Variants in C10orf143 observed in about 807,000 individuals in gnomAD.
C10orf143 encodes the protein uncharacterized protein C10orf143.
chr10:130,104,822 A>G (rs1283720939), intron 1 of C10orf143: 7 of 152,232 alleles, frequency 4.6e-5, no homozygotes, highest in African/African-American at 9.6e-5. Context: ...GCTCTGATCA[A>G]TAATGACCTC....
intron 1 of C10orf143, among the ~76,000 whole-genome samples, chr10:130,091,074 G>C (rs1444466698): frequency 2.0e-5 from 3 of 152,124 alleles, no homozygotes; most frequent in Non-Finnish European, 4.4e-5. Flanking sequence ...CTCTGCTAAG[G>C]GACAGACTGC....
chr10:130,108,087 A>G lies in C10orf143; in HGVS notation c.69+2617T>C, dbSNP rs1861690160. On this transcript the variant is annotated intron_variant, in intron 1 of 3. Coordinates refer to ENST00000637128, the MANE Select transcript of C10orf143 (RefSeq NM_001355042.2). The stretch of plus-strand genomic sequence containing the variant: ...ATCCCTGATTCATCTCTCCCTGCTG[A>G]AAATGCAGCAACTGGCCCTCGCTTT... 5 of 1,504,844 alleles carry G rather than the reference A, an allele frequency of 3.3e-6. No individual in the cohort carries two copies. The East Asian group carries it at 1.1e-4, about 34-fold the overall frequency. The allele number at this position is 1,504,844 out of a possible 1,614,324, so 93.2% of individuals were successfully genotyped here.
chr10:130,101,877 A>AAAAAAAAC (rs1861562063), intron 1 of C10orf143, among the ~76,000 whole-genome samples: 1 of 148,490 alleles, frequency 6.7e-6, no homozygotes, highest in Non-Finnish European at 1.5e-5. Flanking sequence ...AAAAAAAAAA[A>AAAAAAAAC]AAAAAAAACT....
At chr10:130,047,605 G>C (rs559172416) in intron 3 of C10orf143, among the ~76,000 whole-genome samples, 1 of 152,298 alleles carries the variant, frequency 6.6e-6, no homozygotes, top group Non-Finnish European at 1.5e-5. Flanking sequence ...TCCAGAGCTG[G>C]TCAGACCCGG....
chr10:130,069,230 C>T (rs615176), intron 3 of C10orf143, among the ~76,000 whole-genome samples: 2 of 151,882 alleles, frequency 1.3e-5, no homozygotes, highest in Non-Finnish European at 2.9e-5. Context: ...GAGAGGCAGC[C>T]AGATGACATA....
Position 130,056,277 on chromosome 10 carries a change from C to T in C10orf143, c.298-20307G>A, listed in dbSNP as rs558686011. 3.4e-3 allele frequency among the ~76,000 whole-genome samples: 523 copies of T among 152,274 alleles called. 4 individuals are homozygous for T. Among genetic ancestry groups the T allele is most frequent in the African/African-American group, 0.011 (466 of 41,554 alleles). On this transcript the variant is annotated intron_variant and NMD_transcript_variant, in intron 3 of 5. Transcript: ENST00000643056. This position sits in a 1 kb window ranked among gnomAD's most constrained non-coding sequence, Gnocchi z 4.6. ...CTTTGGGATCCTGCCCAGAGGGAAG[C>T]GCTGCCCCTCATGGCTCCAAGCTCC... is the stretch of plus-strand genomic sequence containing the variant.
At chr10:130,062,495 C>T (rs1440547559), downstream of C10orf143, among the ~76,000 whole-genome samples, 1 of 152,194 alleles carries the variant, frequency 6.6e-6, no homozygotes, top group Non-Finnish European at 1.5e-5. Flanking sequence ...CTCTTTCTCC[C>T]GTGCTGGATG....
chr10:130,045,068 G>A (rs1450731854), intron 3 of C10orf143, among the ~76,000 whole-genome samples: 1 of 152,142 alleles, frequency 6.6e-6, no homozygotes, highest in Non-Finnish European at 1.5e-5. Flanking sequence ...TCTGTTCTCT[G>A]GGGTCCAGGG....
At chr10:130,097,544 A>G (rs1309362329) in intron 1 of C10orf143, among the ~76,000 whole-genome samples, 1 of 152,246 alleles carries the variant, frequency 6.6e-6, no homozygotes, top group Non-Finnish European at 1.5e-5. Context: ...AGTTTCTTAG[A>G]AAGTTAAAAA....
chr10:130,092,781 A>G (rs1413177023), intron 1 of C10orf143, among the ~76,000 whole-genome samples: 1 of 152,182 alleles, frequency 6.6e-6, no homozygotes, highest in Non-Finnish European at 1.5e-5. Context: ...CTCTGATAAA[A>G]CAGACTTTAA....
At chr10:130,049,619 T>C (rs1317376984) in intron 3 of C10orf143, among the ~76,000 whole-genome samples, 10 of 152,148 alleles carry the variant, frequency 6.6e-5, no homozygotes. Flanking sequence ...TGGGTCCTGA[T>C]AAGGGAACCT....
chr10:130,072,561 C>A (rs144411033), intron 3 of C10orf143, among the ~76,000 whole-genome samples: 52 of 152,296 alleles, frequency 3.4e-4, no homozygotes, highest in African/African-American at 1.3e-3. Context: ...ATGAACATAT[C>A]ATGCACTTTT....
At chr10:130,088,559 T>C (rs1861330153) in intron 1 of C10orf143, among the ~76,000 whole-genome samples, 1 of 152,184 alleles carries the variant, frequency 6.6e-6, no homozygotes, top group Non-Finnish European at 1.5e-5. Context: ...ATTTGTAGTG[T>C]AAGTGTATAA....
downstream of C10orf143, among the ~76,000 whole-genome samples, chr10:130,063,207 C>T (rs1440896665): frequency 1.3e-5 from 2 of 152,142 alleles, no homozygotes; most frequent in African/African-American, 2.4e-5. Context: ...CACCTGACAC[C>T]GGGTGGACAC....
intron 3 of C10orf143, among the ~76,000 whole-genome samples, chr10:130,046,752 C>T (rs1277267852): frequency 1.3e-5 from 2 of 152,204 alleles, no homozygotes; most frequent in Non-Finnish European, 2.9e-5. Flanking sequence ...GCCACCAGCT[C>T]GCCCACGCCG....
Position 130,107,226 on chromosome 10 carries a change from T to G in C10orf143, c.69+3478A>C, listed in dbSNP as rs752001854. The G allele has an allele frequency of 7.6e-6, 10 of 1,319,800 alleles. No homozygotes were observed. The African/African-American group carries it at 1.3e-4, about 17-fold the overall frequency. 81.8% of individuals were successfully genotyped at this position (1,319,800 alleles called of 1,614,324 possible). A position where few individuals can be genotyped will look rare whatever the true frequency, so the allele number is the denominator to read the frequency against. On this transcript the variant is annotated intron_variant, in intron 1 of 3. Coordinates refer to ENST00000637128, the MANE Select transcript of C10orf143 (RefSeq NM_001355042.2). ...TTATATCAAGAAAATGAAATGAAAC[T>G]CTACAGGAAATTAACAGTAGAGGAA...
intron 1 of C10orf143, among the ~76,000 whole-genome samples, chr10:130,103,316 G>A (rs768658698): frequency 6.6e-6 from 1 of 152,036 alleles, no homozygotes; most frequent in Non-Finnish European, 1.5e-5. Context: ...TTTCCTTTGG[G>A]TATTTAGTTT....
At chr10:130,109,403 T>C (rs1332808352) in intron 1 of C10orf143, among the ~76,000 whole-genome samples, 1 of 152,074 alleles carries the variant, frequency 6.6e-6, no homozygotes, top group Non-Finnish European at 1.5e-5. Context: ...CTGATCTGGG[T>C]ACCACCAGCC....
chr10:130,106,034 A>G, intron 1 of C10orf143: 1 of 514,540 alleles, frequency 1.9e-6, no homozygotes, highest in African/African-American at 2.0e-5. Context: ...CCGCCAGAGC[A>G]GCCTTGGCGC....
Sources: gnomAD v4.1 joint callset for allele counts (sites outside exome capture counted in the v4.1 genomes callset) on GRCh38, gnomAD v4.1.1 for gene constraint, Gnocchi (gnomAD v3.1) non-coding constraint, MANE v1.5 for transcripts, NCBI Gene and HGNC (gene_info 2026-07-23, HGNC 2026-07-21) for gene names.